Variants in PLEKHG4B observed in about 807,000 individuals in gnomAD.
The protein encoded by PLEKHG4B is pleckstrin homology and RhoGEF domain containing G4B.
Under a neutral mutation model 121.3 loss-of-function variants are expected in PLEKHG4B, and 111 were observed. The observed-to-expected ratio is 0.92, with a 90% confidence interval of 0.78 to 1.07. The LOEUF is 1.07. Ranked by LOEUF, PLEKHG4B falls within the 50% of genes least tolerant of loss-of-function variation. The pLI is 0.00. For synonymous variants in PLEKHG4B, 738 were observed against 725.0 expected, an observed-to-expected ratio of 1.02 and a Z score of -0.29; for missense variants, 1,831 against 1,757.8, an observed-to-expected ratio of 1.04 and a Z score of -0.74.
chr5:140,320 C>T lies in PLEKHG4B; in HGVS notation c.1081C>T (p.Arg361Trp), dbSNP rs1039069776. The T allele has an allele frequency of 1.3e-5, 19 of 1,511,962 alleles. No individual in the cohort carries two copies. Among genetic ancestry groups the T allele is most frequent in the South Asian group, 6.6e-5 (5 of 76,194 alleles). The allele number at this position is 1,511,962 out of a possible 1,614,324, so 93.7% of individuals were successfully genotyped here. A position where few individuals can be genotyped will look rare whatever the true frequency, so the allele number is the denominator to read the frequency against. ...CAGGGAGTCGTACATGGAAGCCTTG[C>T]GGAACCCCATGCCCCTGGGCAGCTC... Reference protein sequence around the residue: ...WFRESYMEALRNPMPLGSSEE... With the variant: ...WFRESYMEALWNPMPLGSSEE... The change falls in exon 3 of 20, where the codon CGG becomes TGG. Residue 361 changes from arginine (R) to tryptophan (W), a missense_variant. Arg to Trp is a moderately radical substitution (Grantham distance 101). Transcript: ENST00000637938.
rs780820317 is a variant in PLEKHG4B, at chr5:181,646, G to C, written c.4535G>C (p.Arg1512Pro). Residue 1512 changes from arginine (R) to proline (P), a missense_variant, in exon 19 of 20, where the codon CGA (arginine) becomes CCA (proline). Coordinates refer to ENST00000637938, the MANE Select transcript of PLEKHG4B (RefSeq NM_052909.5). ...CCCAAATGTGCAGTGATGAGCGACC[G>C]AGTCCCCGACAGCATCGTCAAGGGC... Reference protein sequence around the residue: ...RAPKCAVMSDRVPDSIVKGTE... With the variant: ...RAPKCAVMSDPVPDSIVKGTE... 25 of 1,613,618 alleles carry C rather than the reference G, an allele frequency of 1.5e-5. No individual in the cohort carries two copies. The African/African-American group carries it at 3.2e-4, about 21-fold the overall frequency.
chr5:162,658 C>T, intron 12 of PLEKHG4B, 64 bp from the exon 13 acceptor site: 1 of 1,211,830 alleles, frequency 8.3e-7, no homozygotes, highest in Non-Finnish European at 1.1e-6. Flanking sequence ...AACAGCAGGG[C>T]CTGAGCTGGC....
chr5:160,440 G>A (rs141200882), intron 11 of PLEKHG4B, among the ~76,000 whole-genome samples: 4 of 152,334 alleles, frequency 2.6e-5, no homozygotes, highest in Admixed American at 6.5e-5. Flanking sequence ...CCTGCCTCCC[G>A]CCGGCTGCCC....
chr5:132,906 T>C (rs1458581458), intron 2 of PLEKHG4B, among the ~76,000 whole-genome samples: 2 of 152,126 alleles, frequency 1.3e-5, no homozygotes, highest in African/African-American at 2.4e-5. Flanking sequence ...GAATGTAGGA[T>C]TGTTTTTTCT....
In PLEKHG4B at chr5:163,323, A is replaced by G; in HGVS notation, c.3251A>G (p.Gln1084Arg). ...HPQKKMIKKTQSFEIPQPDSG... is the reference protein window; with the variant it reads ...HPQKKMIKKTRSFEIPQPDSG... The stretch of plus-strand genomic sequence containing the variant: ...CAGAAGAAAATGATAAAGAAAACGC[A>G]AAGTTTCGAGATACCTCAGCCCGAC... Residue 1084 changes from glutamine (Q) to arginine (R), a missense_variant, in exon 13 of 20, where the codon CAA becomes CGA. By Grantham distance (43) the Gln-to-Arg change is conservative. Coordinates refer to ENST00000637938, the MANE Select transcript of PLEKHG4B (RefSeq NM_052909.5). 6.2e-7 allele frequency: 1 copy of G among 1,613,426 alleles called. No individual in the cohort carries two copies. Among genetic ancestry groups the G allele is most frequent in the Non-Finnish European group, 8.5e-7 (1 of 1,180,024 alleles).
At chr5:135,698 T>C (rs1486932199) in intron 2 of PLEKHG4B, among the ~76,000 whole-genome samples, 1 of 61,324 alleles carries the variant, frequency 1.6e-5, no homozygotes, top group African/African-American at 9.4e-5. Flanking sequence ...TATATATATA[T>C]ATATATATAT....
At position 143,438 on chromosome 5, in the gene PLEKHG4B, G is replaced by C; in HGVS notation, c.1746G>C (p.Trp582Cys). Residue 582 changes from tryptophan to cysteine, a missense_variant, in exon 5 of 20, where the codon TGG becomes TGC. Transcript: ENST00000637938. Reference protein sequence around the residue: ...VVQVRTRSLLWTREHSSCAEL... With the variant: ...VVQVRTRSLLCTREHSSCAEL... ...AGGTCCGCACCAGGAGCCTGCTCTG[G>C]ACCAGGGAACACTCGTCCTGTGCTG... The C allele has an allele frequency of 6.2e-7, 1 of 1,612,904 alleles. No homozygotes were observed. Among genetic ancestry groups the C allele is most frequent in the Non-Finnish European group, 8.5e-7 (1 of 1,180,002 alleles).
intron 1 of PLEKHG4B, among the ~76,000 whole-genome samples, chr5:107,525 C>T (rs191142109): frequency 4.6e-4 from 70 of 152,252 alleles, no homozygotes; most frequent in Non-Finnish European, 9.0e-4. Flanking sequence ...GCTCATGCAG[C>T]GAGACCTTCT....
chr5:183,972 GATAGATAGATAGATAGATCGATAGAT>G lies in PLEKHG4B; in HGVS notation c.*1651_*1676del, dbSNP rs1181848385. On this transcript the variant is annotated 3_prime_UTR_variant, in exon 20 of 20. Transcript: ENST00000637938. ...AGATAGCTAGATATATATACAGACA[GATAGATAGATAGATAGATCGATAGAT>G]AGATAGATAGATAGATAGATAGATA... 2 of 63,398 alleles carry G rather than the reference GATAGATAGATAGATAGATCGATAGAT, an allele frequency of 3.2e-5. No individual in the cohort carries two copies. Among genetic ancestry groups the G allele is most frequent in the African/African-American group, 1.2e-4 (2 of 16,074 alleles). The allele number at this position is 63,398 out of a possible 1,614,324, so 3.9% of individuals were successfully genotyped here. A position where few individuals can be genotyped will look rare whatever the true frequency, so the allele number is the denominator to read the frequency against.
At chr5:131,846 G>A (rs1734788579) in intron 2 of PLEKHG4B, among the ~76,000 whole-genome samples, 1 of 152,150 alleles carries the variant, frequency 6.6e-6, no homozygotes, top group Admixed American at 6.5e-5. Context: ...GTTTTGATTA[G>A]CATTTCTCTG....
chr5:171,698 G>T (rs191157075), intron 16 of PLEKHG4B, among the ~76,000 whole-genome samples: 1 of 152,350 alleles, frequency 6.6e-6, no homozygotes, highest in East Asian at 1.9e-4. Context: ...ATGGCTGGCA[G>T]ATGTTGGCTG....
Position 101,134 on chromosome 5 carries a change from A to G in PLEKHG4B, c.45+8858A>G, listed in dbSNP as rs185877675. Among the ~76,000 whole-genome samples the G allele has an allele frequency of 3.1e-4, 36 of 114,872 alleles. 1 individual carries two copies. The highest frequency in any genetic ancestry group is 2.1e-3 in the Admixed American group (26 of 12,368). 75.4% of individuals were successfully genotyped at this position (114,872 alleles called of 152,430 possible). On this transcript the variant is annotated intron_variant, in intron 1 of 19. Coordinates refer to ENST00000637938, the MANE Select transcript of PLEKHG4B (RefSeq NM_052909.5). Reference sequence around the variant, plus strand: ...GAGGTTAATCCATATAAAGCCCTGGAAAAAGTCTATAGGGGAGAGATTGTT... The same window carrying G: ...GAGGTTAATCCATATAAAGCCCTGGGAAAAGTCTATAGGGGAGAGATTGTT...
rs180895542 is a variant in PLEKHG4B at position 162,314 on chromosome 5, A to G, written c.2649+370A>G. Among the ~76,000 whole-genome samples, 987 of 151,624 alleles carry G rather than the reference A, an allele frequency of 6.5e-3. 10 individuals carry two copies. Among genetic ancestry groups the G allele is most frequent in the African/African-American group, 0.022 (926 of 41,230 alleles). On this transcript the variant is annotated intron_variant, in intron 12 of 19. Transcript: ENST00000637938. ...GCCTGCGAGCTCCCCCGCGCCGGGGACTGCCTGCCATTAGGAGCCCGGGCC... is the reference window on the plus strand; with the variant it reads ...GCCTGCGAGCTCCCCCGCGCCGGGGGCTGCCTGCCATTAGGAGCCCGGGCC...
intron 8 of PLEKHG4B, 135 bp downstream of exon 8, chr5:155,126 C>T (rs1025943872): frequency 7.5e-5 from 67 of 894,082 alleles, no homozygotes; most frequent in Middle Eastern, 4.9e-4. Context: ...TTCAGGTCTT[C>T]GTGTCTACAC....
At chr5:141,496 G>A (rs927327884) in intron 3 of PLEKHG4B, among the ~76,000 whole-genome samples, 2 of 150,188 alleles carry the variant, frequency 1.3e-5, no homozygotes, top group Non-Finnish European at 3.0e-5. Context: ...TCTCTGACTC[G>A]AATCTCCCTC....
intron 13 of PLEKHG4B, among the ~76,000 whole-genome samples, chr5:165,010 A>T (rs1164154340): frequency 1.4e-5 from 1 of 73,298 alleles, no homozygotes; most frequent in Admixed American, 1.1e-4. Flanking sequence ...GGCAGGGCTC[A>T]CAGTAATGCT....
At chr5:146,451 A>G (rs936455559) in intron 6 of PLEKHG4B, among the ~76,000 whole-genome samples, 7 of 109,956 alleles carry the variant, frequency 6.4e-5, no homozygotes, top group Admixed American at 1.9e-4. Context: ...CCCTGCAGCC[A>G]TCTCTCCTCT....
At chr5:110,441 A>C (rs1161556310) in intron 1 of PLEKHG4B, among the ~76,000 whole-genome samples, 2 of 145,558 alleles carry the variant, frequency 1.4e-5, no homozygotes, top group Non-Finnish European at 3.0e-5. Flanking sequence ...GCACACACCC[A>C]CACAATCTGC....
intron 18 of PLEKHG4B, 53 bp from the exon 19 acceptor site, chr5:181,461 T>G (rs961729699): frequency 1.3e-6 from 2 of 1,570,720 alleles, no homozygotes; most frequent in African/African-American, 2.7e-5. Flanking sequence ...GTCTTTGGGG[T>G]GGCATTAGCC....
Sources: gnomAD v4.1 joint callset for allele counts (sites outside exome capture counted in the v4.1 genomes callset) on GRCh38, gnomAD v4.1.1 for gene constraint, MANE v1.5 for transcripts, NCBI Gene and HGNC (gene_info 2026-07-23, HGNC 2026-07-21) for gene names.